The following EBF2 variants were observed in gnomAD, a reference collection of about 807,000 sequenced individuals.
EBF2 encodes the protein EBF transcription factor 2, also known as transcription factor COE2.
Under a neutral mutation model 72.8 loss-of-function variants are expected in EBF2, and 21 were observed. That is an observed-to-expected ratio of 0.29 (90% CI 0.20 to 0.42). The LOEUF (loss-of-function observed/expected upper bound fraction) is 0.42. EBF2 is among the 10% of genes least tolerant of loss of function. The pLI is 1.00. For synonymous variants in EBF2, 299 were observed against 274.2 expected (o/e 1.09, Z -0.89); for missense variants, 637 against 731.2 (o/e 0.87, Z 1.49).
chr8:26,006,582 T>C (rs897817409), intron 6 of EBF2, among the ~76,000 whole-genome samples: 7 of 152,226 alleles, frequency 4.6e-5, no homozygotes, highest in Non-Finnish European at 7.3e-5. Context: ...TTCTATATTC[T>C]TCCTGATGAG....
At chr8:25,882,381 C>A (rs907056849) in intron 10 of EBF2, among the ~76,000 whole-genome samples, 4 of 152,086 alleles carry the variant, frequency 2.6e-5, no homozygotes, top group Admixed American at 2.6e-4. Flanking sequence ...AGATATGGGC[C>A]ATTCTATCCA....
At chr8:25,864,503 C>CAA (rs1261038124) in intron 10 of EBF2, among the ~76,000 whole-genome samples, 2 of 66,924 alleles carry the variant, frequency 3.0e-5, no homozygotes, top group Non-Finnish European at 6.0e-5. Flanking sequence ...TACACACAAA[C>CAA]ACACACACAC....
intron 6 of EBF2, among the ~76,000 whole-genome samples, chr8:25,992,316 A>G (rs1164497801): frequency 8.1e-6 from 1 of 123,872 alleles, no homozygotes; most frequent in Non-Finnish European, 1.6e-5. Flanking sequence ...CCTGGGCAAC[A>G]GCGTGAGACT....
chr8:25,974,752 C>T (rs374630408), intron 6 of EBF2, among the ~76,000 whole-genome samples: 2 of 152,166 alleles, frequency 1.3e-5, no homozygotes, highest in African/African-American at 4.8e-5. Context: ...CCCTGCCCCC[C>T]CATCCTACTG....
intron 6 of EBF2, among the ~76,000 whole-genome samples, chr8:25,953,791 C>A (rs1803899904): frequency 6.6e-6 from 1 of 152,218 alleles, no homozygotes; most frequent in Admixed American, 6.5e-5. Flanking sequence ...GAATGACAGT[C>A]CCTAGTTAGG....
intron 10 of EBF2, among the ~76,000 whole-genome samples, chr8:25,863,466 T>C (rs935068442): frequency 6.6e-6 from 1 of 152,182 alleles, no homozygotes. Flanking sequence ...AGTGAATTAA[T>C]GAATGGCATA....
chr8:25,953,469 G>A (rs1803895585), intron 6 of EBF2, among the ~76,000 whole-genome samples: 2 of 152,234 alleles, frequency 1.3e-5, no homozygotes, highest in South Asian at 4.1e-4. Context: ...ATAGGAAATG[G>A]ATGGAGTGGT....
chr8:26,032,385 T>C (rs1805423146), intron 6 of EBF2: 1 of 152,184 alleles, frequency 6.6e-6, no homozygotes, highest in Admixed American at 6.5e-5. Context: ...TAGGGAATTA[T>C]TCCGTTTTTT....
intron 7 of EBF2, 138 bp downstream of exon 7, chr8:25,908,336 A>G: frequency 1.5e-6 from 1 of 662,786 alleles, no homozygotes. Flanking sequence ...GCTGAGGGTC[A>G]TCGTTTACCA....
chr8:25,950,386 G>T (rs909805000), intron 6 of EBF2, among the ~76,000 whole-genome samples: 2 of 152,186 alleles, frequency 1.3e-5, no homozygotes, highest in African/African-American at 4.8e-5. Context: ...TCCGGTAAAA[G>T]GCTAGAAAGC....
At chr8:26,017,612 A>G (rs1805132573) in intron 6 of EBF2, among the ~76,000 whole-genome samples, 2 of 152,088 alleles carry the variant, frequency 1.3e-5, no homozygotes, top group South Asian at 4.2e-4. Context: ...GCTTGCTTTT[A>G]CCGGCCACAG....
intron 13 of EBF2, among the ~76,000 whole-genome samples, chr8:25,859,687 A>G (rs1802173861): frequency 6.6e-6 from 1 of 152,004 alleles, no homozygotes; most frequent in South Asian, 2.1e-4. Context: ...CCTCATGTCT[A>G]CAGAAACAAA....
At chr8:26,003,596 C>T (rs1209861788) in intron 6 of EBF2, among the ~76,000 whole-genome samples, 1 of 152,110 alleles carries the variant, frequency 6.6e-6, no homozygotes, top group African/African-American at 2.4e-5. Context: ...TTGAGACAAG[C>T]TCAGATTGAA....
chr8:26,004,094 A>G (rs925937709), intron 6 of EBF2, among the ~76,000 whole-genome samples: 1 of 148,458 alleles, frequency 6.7e-6, no homozygotes, highest in Admixed American at 6.8e-5. Flanking sequence ...AGACCTTAGG[A>G]CAAGACTGAC....
At chr8:25,945,856 T>G (rs1803760727) in intron 6 of EBF2, among the ~76,000 whole-genome samples, 1 of 152,080 alleles carries the variant, frequency 6.6e-6, no homozygotes, top group Non-Finnish European at 1.5e-5. Flanking sequence ...TCAGGACTCC[T>G]AAACCTATTG....
chr8:26,042,344 G>A (rs1805616348), intron 1 of EBF2, 93 bp from the exon 2 acceptor site: 2 of 1,439,190 alleles, frequency 1.4e-6, no homozygotes, highest in African/African-American at 1.4e-5. Flanking sequence ...AGGGGTAAGG[G>A]GTCCACTTCC....
intron 6 of EBF2, among the ~76,000 whole-genome samples, chr8:25,947,414 C>T (rs1585204847): frequency 6.6e-6 from 1 of 152,314 alleles, no homozygotes; most frequent in African/African-American, 2.4e-5. Flanking sequence ...ACAAATTACG[C>T]AGTCTCAGGC....
At chr8:25,923,107 G>A (rs186833113) in intron 6 of EBF2, among the ~76,000 whole-genome samples, 4 of 152,276 alleles carry the variant, frequency 2.6e-5, no homozygotes, top group African/African-American at 9.6e-5. Flanking sequence ...CGGAAGCATG[G>A]GAAAGAGACA....
chr8:25,874,107 T>C (rs1563384441), intron 10 of EBF2, among the ~76,000 whole-genome samples: 1 of 152,236 alleles, frequency 6.6e-6, no homozygotes, highest in Admixed American at 6.5e-5. Flanking sequence ...CTGAATTGGG[T>C]ATTTTTAACT....
Sources: gnomAD v4.1 joint callset for allele counts (sites outside exome capture counted in the v4.1 genomes callset) on GRCh38, gnomAD v4.1.1 for gene constraint, MANE v1.5 for transcripts, NCBI Gene and HGNC (gene_info 2026-07-23, HGNC 2026-07-21) for gene names.